The following CHD1 variants were observed in gnomAD, a reference collection of about 807,000 sequenced individuals.
CHD1 encodes chromodomain helicase DNA binding protein 1.
CHD1 carries 36 observed loss-of-function variants against 224.2 expected under a neutral mutation model. The ratio of observed to expected loss-of-function variants is 0.16; its 90% confidence interval spans 0.12 to 0.21. The LOEUF is 0.21. Among genes scored for constraint, CHD1 ranks in the 10% least tolerant of loss-of-function variants. The probability of loss-of-function intolerance (pLI) is 1.00; values close to 1 mark genes in which losing one functional copy is unlikely to be tolerated. For synonymous variants in CHD1, 668 were observed against 658.3 expected, an observed-to-expected ratio of 1.01 and a Z score of -0.23; for missense variants, 1,378 against 1,994.8, an observed-to-expected ratio of 0.69 and a Z score of 5.89.
chr5:98,868,331 G>GAAAAAAAAAAAAAAAAAAAA (rs58475767), intron 31 of CHD1, among the ~76,000 whole-genome samples, 164 bp downstream of exon 31: 2 of 91,702 alleles, frequency 2.2e-5, no homozygotes, highest in African/African-American at 3.8e-5. Flanking sequence ...ACTCAAAAAA[G>GAAAAAAAAAAAAAAAAAAAA]AAAAAAAAAA....
chr5:98,868,301 T>C (rs1749054123), intron 31 of CHD1, among the ~76,000 whole-genome samples, 194 bp downstream of exon 31: 1 of 134,790 alleles, frequency 7.4e-6, no homozygotes, highest in Non-Finnish European at 1.5e-5. Context: ...AACTCCAGCC[T>C]GGGCGACAGT....
At chr5:98,913,406 C>T (rs900529556) in intron 2 of CHD1, among the ~76,000 whole-genome samples, 5 of 152,020 alleles carry the variant, frequency 3.3e-5, no homozygotes, top group African/African-American at 7.2e-5. Flanking sequence ...CCCAGGGGTT[C>T]GAGGCTGCAA....
intron 2 of CHD1, among the ~76,000 whole-genome samples, chr5:98,917,719 T>C (rs1580523736): frequency 6.6e-6 from 1 of 152,234 alleles, no homozygotes. Flanking sequence ...AATAGAACTT[T>C]GCACATCTCC....
intron 23 of CHD1, among the ~76,000 whole-genome samples, chr5:98,877,886 C>T (rs1028945536): frequency 2.6e-5 from 4 of 152,110 alleles, no homozygotes; most frequent in Non-Finnish European, 5.9e-5. Context: ...ACTCTAACAA[C>T]AAATCTGATG....
chr5:98,922,685 T>G (rs1007262504), intron 2 of CHD1, among the ~76,000 whole-genome samples: 1 of 152,198 alleles, frequency 6.6e-6, no homozygotes, highest in African/African-American at 2.4e-5. Context: ...CAAAGTATAT[T>G]TCTAATCTAA....
Position 98,859,002 on chromosome 5 carries a change from T to G in CHD1, c.4538A>C (p.Gln1513Pro). 1.9e-6 allele frequency: 3 copies of G among 1,577,952 alleles called. No individual in the cohort carries two copies. Among genetic ancestry groups the G allele is most frequent in the Non-Finnish European group, 2.6e-6 (3 of 1,168,158 alleles). ...KRQESQQNSD[Q>P]NSNLNPHVIR... ...CACGTGAGGATTCAAGTTGCTGTTTTGATCACTGTTTTGCTAAAATAAATG... is the reference window on the plus strand; with the variant it reads ...CACGTGAGGATTCAAGTTGCTGTTTGGATCACTGTTTTGCTAAAATAAATG... The change falls in exon 34 of 36, where the codon CAA becomes CCA. Residue 1513 changes from glutamine to proline, a missense_variant. Around this residue, in one of 16 missense-constraint regions of CHD1, gnomAD observed 278 missense variants for 298.5 expected, o/e 0.93. Coordinates refer to ENST00000614616, the MANE Select transcript of CHD1 (RefSeq NM_001270.4).
chr5:98,876,031 AAATACAG>A (rs2112352330), intron 24 of CHD1, among the ~76,000 whole-genome samples: 1 of 152,308 alleles, frequency 6.6e-6, no homozygotes, highest in South Asian at 2.1e-4. Flanking sequence ...GAAACTAGAA[AAATACAG>A]AATTTCCACA....
rs371193484 is a variant in CHD1 at position 98,902,235 on chromosome 5, T to C, written c.437+665A>G. Among the ~76,000 whole-genome samples the C allele has an allele frequency of 5.1e-4, 77 of 152,192 alleles. No homozygotes were observed. The South Asian group carries it at 0.016, about 31-fold the overall frequency. On this transcript the variant is annotated intron_variant, in intron 5 of 35. Transcript: ENST00000614616. ...GGAAAAAAAATCCAAAGATAAATGA[T>C]TGAATTTTCAGAATAAAAGATAGAA... is the stretch of plus-strand genomic sequence containing the variant.
chr5:98,866,162 G>A (rs1281146055), intron 31 of CHD1, among the ~76,000 whole-genome samples: 1 of 151,492 alleles, frequency 6.6e-6, no homozygotes, highest in African/African-American at 2.4e-5. Context: ...CCTTGAAAAA[G>A]AGAGAAGAAA....
At chr5:98,863,655 T>G (rs1165637063) in intron 31 of CHD1, 69 bp from the exon 32 acceptor site, 2 of 994,180 alleles carry the variant, frequency 2.0e-6, no homozygotes, top group Non-Finnish European at 1.5e-6. Flanking sequence ...GTCTACCTCC[T>G]TCAATGATAT....
chr5:98,920,819 A>G (rs540756885), intron 2 of CHD1, among the ~76,000 whole-genome samples: 2 of 152,020 alleles, frequency 1.3e-5, no homozygotes, highest in East Asian at 3.9e-4. Context: ...AAAAAGACAA[A>G]TCTAGATTTC....
At chr5:98,869,689 G>T in intron 30 of CHD1, 65 bp downstream of exon 30, 1 of 1,530,848 alleles carries the variant, frequency 6.5e-7, no homozygotes, top group Non-Finnish European at 9.0e-7. Flanking sequence ...TAAATGTAAA[G>T]TACACAAAAA....
chr5:98,916,343 C>T (rs748256562), intron 2 of CHD1, among the ~76,000 whole-genome samples: 5 of 151,684 alleles, frequency 3.3e-5, no homozygotes, highest in African/African-American at 9.7e-5. Flanking sequence ...TTCAGGAGTT[C>T]GAGACCAGCC....
intron 12 of CHD1, among the ~76,000 whole-genome samples, chr5:98,895,281 A>ATAATG (rs1313696282): frequency 6.6e-5 from 10 of 152,256 alleles, no homozygotes; most frequent in African/African-American, 2.4e-4. Context: ...AATTCATTTA[A>ATAATG]TAATGTAATG....
At position 98,881,227 on chromosome 5, in the gene CHD1, A is replaced by G. The variant is rs1295764185; in HGVS notation, c.2964+52T>C. On this transcript the variant is annotated intron_variant, in intron 21 of 35. Transcript: ENST00000614616. Reference sequence around the variant, plus strand: ...CTTGAATCCTTTCATCCTGTCAAATATATGACACATATTCTGAGGCAGGCC... The same window carrying G: ...CTTGAATCCTTTCATCCTGTCAAATGTATGACACATATTCTGAGGCAGGCC... The G allele has an allele frequency of 2.2e-6, 3 of 1,352,716 alleles. No homozygotes were observed. The African/African-American group carries it at 4.6e-5, about 21-fold the overall frequency. The allele number at this position is 1,352,716 out of a possible 1,614,324, so 83.8% of individuals were successfully genotyped here. A position where few individuals can be genotyped will look rare whatever the true frequency, so the allele number is the denominator to read the frequency against.
intron 2 of CHD1, 127 bp downstream of exon 2, chr5:98,926,207 C>T (rs1370934886): frequency 1.7e-6 from 1 of 577,180 alleles, no homozygotes; most frequent in Non-Finnish European, 3.0e-6. Context: ...ATTTGGATAG[C>T]TAAGAGGAAA....
intron 4 of CHD1, among the ~76,000 whole-genome samples, chr5:98,903,529 G>A (rs1751859738): frequency 6.6e-6 from 1 of 151,614 alleles, no homozygotes; most frequent in Non-Finnish European, 1.5e-5. Flanking sequence ...ATTTCCCACA[G>A]AGTTCACATT....
intron 2 of CHD1, among the ~76,000 whole-genome samples, chr5:98,919,575 A>T (rs1752958392): frequency 6.6e-6 from 1 of 152,220 alleles, no homozygotes; most frequent in Non-Finnish European, 1.5e-5. Flanking sequence ...CATGTATATT[A>T]TGAGTGAATA....
chr5:98,897,018 T>A (rs973657223), intron 11 of CHD1, among the ~76,000 whole-genome samples, 175 bp downstream of exon 11: 4 of 152,178 alleles, frequency 2.6e-5, no homozygotes, highest in Non-Finnish European at 5.9e-5. Context: ...CCAACTCCAC[T>A]GGATTTTCTT....
Sources: gnomAD v4.1 joint callset for allele counts (sites outside exome capture counted in the v4.1 genomes callset) on GRCh38, gnomAD v4.1.1 for gene constraint, gnomAD v4.1.1 regional missense constraint, MANE v1.5 for transcripts, NCBI Gene and HGNC (gene_info 2026-07-23, HGNC 2026-07-21) for gene names.